PTPRM: variants seen among roughly 807,000 people sequenced by gnomAD.
PTPRM encodes receptor-type tyrosine-protein phosphatase mu.
Under a neutral mutation model 186.7 loss-of-function variants are expected in PTPRM, and 47 were observed. The observed-to-expected ratio is 0.25, with a 90% CI of 0.20 to 0.32. PTPRM has a LOEUF of 0.32. PTPRM is among the 10% of genes least tolerant of loss of function. PTPRM has a pLI of 1.00. For missense variants in PTPRM, 1,494 were observed against 1,865.0 expected (o/e 0.80, Z 3.66); for synonymous variants, 668 against 674.9 (o/e 0.99, Z 0.16).
chr18:7,582,402 A>T lies in PTPRM; in HGVS notation c.73+14511A>T, dbSNP rs535163988. On this transcript the variant is annotated intron_variant, in intron 1 of 32. Transcript: ENST00000580170. ...ATCTCTCATTCCAAAGAGAGAGCAGAAGTGAACCAAGACTTCTGGGCTAAT... is the reference window on the plus strand; with the variant it reads ...ATCTCTCATTCCAAAGAGAGAGCAGTAGTGAACCAAGACTTCTGGGCTAAT... Among the ~76,000 whole-genome samples the T allele has an allele frequency of 1.9e-3, 291 of 152,324 alleles. 1 individual carries two copies. Among genetic ancestry groups the T allele is most frequent in the Non-Finnish European group, 2.4e-3 (165 of 68,028 alleles).
At chr18:8,109,270 A>G (rs2091656359) in intron 11 of PTPRM, among the ~76,000 whole-genome samples, 1 of 152,216 alleles carries the variant, frequency 6.6e-6, no homozygotes, top group East Asian at 1.9e-4. Context: ...GCTATTTTTC[A>G]TTAGCACTTG....
At chr18:8,239,888 C>T (rs2094396505) in intron 14 of PTPRM, among the ~76,000 whole-genome samples, 1 of 152,046 alleles carries the variant, frequency 6.6e-6, no homozygotes, top group African/African-American at 2.4e-5. Context: ...TACTAAGGGC[C>T]TTTGAGATTC....
At chr18:7,593,342 G>A (rs1339202155) in intron 1 of PTPRM, among the ~76,000 whole-genome samples, 1 of 152,154 alleles carries the variant, frequency 6.6e-6, no homozygotes, top group Non-Finnish European at 1.5e-5. Context: ...CACTTGAGCG[G>A]AAAGTAATTG....
At chr18:7,685,535 A>T (rs1453904054) in intron 1 of PTPRM, among the ~76,000 whole-genome samples, 1 of 152,212 alleles carries the variant, frequency 6.6e-6, no homozygotes, top group Admixed American at 6.5e-5. Context: ...TTTTATTGTG[A>T]GAAGGAGTCT....
intron 17 of PTPRM, 105 bp downstream of exon 17, chr18:8,248,281 A>C: frequency 9.0e-7 from 1 of 1,112,990 alleles, no homozygotes; most frequent in Non-Finnish European, 1.4e-6. Context: ...TGCAGTGATT[A>C]TAAGCACGAC....
At chr18:7,839,622 C>G (rs1198205125) in intron 2 of PTPRM, among the ~76,000 whole-genome samples, 1 of 152,178 alleles carries the variant, frequency 6.6e-6, no homozygotes, top group African/African-American at 2.4e-5. Context: ...GAGATGGGGT[C>G]TCTGTTGGAG....
At chr18:7,978,315 T>A (rs554081742) in intron 7 of PTPRM, among the ~76,000 whole-genome samples, 9 of 152,352 alleles carry the variant, frequency 5.9e-5, no homozygotes, top group Middle Eastern at 3.4e-3. Context: ...GAGATATTTA[T>A]CTGCCAGGGT....
At chr18:7,841,012 C>T (rs1260855530) in intron 2 of PTPRM, among the ~76,000 whole-genome samples, 1 of 152,082 alleles carries the variant, frequency 6.6e-6, no homozygotes, top group Non-Finnish European at 1.5e-5. Flanking sequence ...AAGCTATGTG[C>T]AAAAATCAGG....
chr18:8,354,472 G>C (rs2095553160), intron 23 of PTPRM, among the ~76,000 whole-genome samples: 1 of 152,186 alleles, frequency 6.6e-6, no homozygotes, highest in South Asian at 2.1e-4. Context: ...CAGGTCACGA[G>C]CTACAGAAAG....
intron 1 of PTPRM, among the ~76,000 whole-genome samples, chr18:7,665,723 G>A (rs191591042): frequency 1.1e-3 from 173 of 152,082 alleles, no homozygotes; most frequent in African/African-American, 3.6e-3. Context: ...TCAGGAGATC[G>A]AGACCATCCT....
intron 22 of PTPRM, among the ~76,000 whole-genome samples, chr18:8,334,731 TAGG>T (rs764471444): frequency 5.9e-5 from 9 of 152,384 alleles, no homozygotes; most frequent in South Asian, 2.1e-4. Context: ...TCCTGTTTCT[TAGG>T]AGTTGTTTTG....
chr18:7,974,312 G>T (rs927452987), intron 7 of PTPRM, among the ~76,000 whole-genome samples: 5 of 152,184 alleles, frequency 3.3e-5, no homozygotes, highest in Admixed American at 3.3e-4. Context: ...CAAGTCTCCT[G>T]CCCTCCTGGA....
intron 4 of PTPRM, among the ~76,000 whole-genome samples, chr18:7,922,838 T>A (rs2050943344): frequency 6.6e-6 from 1 of 152,148 alleles, no homozygotes; most frequent in Admixed American, 6.5e-5. Flanking sequence ...TATCTTAGCA[T>A]TATATGTAGT....
chr18:7,912,262 C>T (rs2050313505), intron 4 of PTPRM, among the ~76,000 whole-genome samples: 1 of 152,094 alleles, frequency 6.6e-6, no homozygotes, highest in South Asian at 2.1e-4. Context: ...TGCAGTTATT[C>T]CAGCACCACT....
At chr18:8,113,434 G>A (rs374868676) in intron 11 of PTPRM, 52 bp from the exon 12 acceptor site, 11 of 1,529,928 alleles carry the variant, frequency 7.2e-6, no homozygotes, top group Non-Finnish European at 9.0e-6. Flanking sequence ...AAGGCAGAGT[G>A]GATCAGTTCA....
chr18:8,238,872 A>G (rs1334454011), intron 14 of PTPRM, among the ~76,000 whole-genome samples: 1 of 151,088 alleles, frequency 6.6e-6, no homozygotes, highest in Admixed American at 6.6e-5. Flanking sequence ...CCCCACCGTT[A>G]GTTGGGATAG....
intron 1 of PTPRM, among the ~76,000 whole-genome samples, chr18:7,613,764 A>C (rs949920700): frequency 6.6e-6 from 1 of 152,216 alleles, no homozygotes; most frequent in Non-Finnish European, 1.5e-5. Context: ...CAGTGCAAGG[A>C]AAAGGTTGAC....
chr18:8,012,449 G>A lies in PTPRM; in HGVS notation c.1132+57035G>A, dbSNP rs138272593. ...CAATCATGCCTCGATGAAGGACAGGGTACCTTGTGAGAAATGTGTTGCTAG... is the reference window on the plus strand; with the variant it reads ...CAATCATGCCTCGATGAAGGACAGGATACCTTGTGAGAAATGTGTTGCTAG... On this transcript the variant is annotated intron_variant, in intron 7 of 32. Transcript: ENST00000580170. Among the ~76,000 whole-genome samples the A allele has an allele frequency of 2.4e-4, 37 of 152,246 alleles. No homozygotes were observed. In the East Asian group the frequency reaches 4.4e-3, roughly 18 times the overall value.
rs544257171 is a variant in PTPRM, at chr18:8,253,761, C to T, written c.2754+347C>T. ...ATATCAAGGCCGACTGTATTTTATC[C>T]GTGGATCCACTTTCATCTGATAGTA... On this transcript the variant is annotated intron_variant, in intron 19 of 32. Transcript: ENST00000580170. Among the ~76,000 whole-genome samples, 110 of 152,254 alleles carry T rather than the reference C, an allele frequency of 7.2e-4. 1 individual carries two copies. The highest frequency in any genetic ancestry group is 2.4e-3 in the African/African-American group (100 of 41,538).
Sources: allele counts gnomAD v4.1 joint callset (sites outside exome capture counted in the v4.1 genomes callset), GRCh38; gene constraint gnomAD v4.1.1; transcripts MANE v1.5; gene names NCBI Gene and HGNC (gene_info 2026-07-23, HGNC 2026-07-21).